Variants in MTMR7 observed in about 807,000 individuals in gnomAD.
The protein encoded by MTMR7 is phosphatidylinositol-3-phosphate phosphatase MTMR7.
MTMR7 carries 76 observed loss-of-function variants against 81.2 expected under a neutral mutation model. The ratio of observed to expected loss-of-function variants is 0.94; its 90% CI spans 0.78 to 1.13. The LOEUF (loss-of-function observed/expected upper bound fraction) is 1.13. Among genes scored for constraint, MTMR7 ranks in the 50% most tolerant of loss-of-function variants. MTMR7 has a pLI of 0.00. For synonymous variants in MTMR7, 372 were observed against 289.8 expected (o/e 1.28, Z -2.88); for missense variants, 1,044 against 820.0 (o/e 1.27, Z -3.34).
chr8:17,302,468 C>A (rs1205337893), intron 12 of MTMR7, 188 bp from the exon 13 acceptor site: 1 of 535,390 alleles, frequency 1.9e-6, no homozygotes. Flanking sequence ...TCAGTAAATG[C>A]CTTTTGGGGA....
At chr8:17,300,372 C>T in intron 13 of MTMR7, 148 bp from the exon 14 acceptor site, 1 of 857,078 alleles carries the variant, frequency 1.2e-6, no homozygotes, top group Non-Finnish European at 1.7e-6. Context: ...ACCTGGACTT[C>T]ACGACCTTGG....
chr8:17,413,199 C>T (rs1821784530), intron 1 of MTMR7, 70 bp downstream of exon 1: 5 of 1,514,510 alleles, frequency 3.3e-6, no homozygotes, highest in Non-Finnish European at 4.5e-6. Context: ...GCCTCCCGCG[C>T]GCTCAGCATC....
chr8:17,300,287 C>T (rs1287107309), intron 13 of MTMR7, 63 bp from the exon 14 acceptor site: 3 of 1,493,466 alleles, frequency 2.0e-6, no homozygotes, highest in Non-Finnish European at 2.7e-6. Flanking sequence ...TCTATATATG[C>T]ATGTCTTTAG....
intron 1 of MTMR7, among the ~76,000 whole-genome samples, chr8:17,399,016 T>C (rs752563078): frequency 2.0e-5 from 3 of 152,202 alleles, no homozygotes; most frequent in Non-Finnish European, 2.9e-5. Context: ...GACTCACAGC[T>C]AGTATCATAC....
intron 3 of MTMR7, among the ~76,000 whole-genome samples, chr8:17,367,244 T>G (rs947534929): frequency 6.6e-6 from 1 of 151,922 alleles, no homozygotes; most frequent in African/African-American, 2.4e-5. Context: ...AAAAAGAAAC[T>G]AGTTTAGGAA....
At chr8:17,411,430 T>C (rs1297393844) in intron 1 of MTMR7, among the ~76,000 whole-genome samples, 1 of 152,178 alleles carries the variant, frequency 6.6e-6, no homozygotes, top group East Asian at 1.9e-4. Context: ...CTGCCTCCCC[T>C]TAGAGATTGT....
intron 3 of MTMR7, among the ~76,000 whole-genome samples, chr8:17,363,991 T>C (rs1267277537): frequency 3.4e-5 from 5 of 149,014 alleles, no homozygotes; most frequent in African/African-American, 9.9e-5. Context: ...TACAGTTTCA[T>C]ATATTTCTGG....
chr8:17,400,246 A>G (rs1821387636), intron 1 of MTMR7, among the ~76,000 whole-genome samples: 1 of 152,250 alleles, frequency 6.6e-6, no homozygotes, highest in African/African-American at 2.4e-5. Context: ...GCTAGGCACC[A>G]TTCTAGATTC....
intron 3 of MTMR7, 61 bp downstream of exon 3, chr8:17,370,976 A>C: frequency 6.5e-7 from 1 of 1,543,924 alleles, no homozygotes; most frequent in Middle Eastern, 1.7e-4. Context: ...CAAATTCTTG[A>C]ATCTGATTTG....
At chr8:17,307,012 T>C (rs13274064) in intron 10 of MTMR7, among the ~76,000 whole-genome samples, 17,256 of 152,050 alleles carry the variant, frequency 0.11, 1,337 homozygotes, top group Non-Finnish European at 0.17. Context: ...CCAAAAGCAA[T>C]GGCAGCAAAA....
chr8:17,349,263 ATG>A, intron 4 of MTMR7, 182 bp from the exon 5 acceptor site: 1 of 607,878 alleles, frequency 1.6e-6, no homozygotes, highest in South Asian at 2.3e-5. Flanking sequence ...CGCTGATTCT[ATG>A]TAATCATTCT....
chr8:17,407,054 C>G (rs958391884), intron 1 of MTMR7, among the ~76,000 whole-genome samples: 8 of 152,008 alleles, frequency 5.3e-5, no homozygotes, highest in African/African-American at 1.9e-4. Flanking sequence ...TGGTACAACT[C>G]TGTGAATATA....
chr8:17,397,511 G>C (rs933615804), intron 1 of MTMR7, among the ~76,000 whole-genome samples: 7 of 152,194 alleles, frequency 4.6e-5, no homozygotes, highest in African/African-American at 1.4e-4. Context: ...GGAAGAGCAG[G>C]ACAGACTTTG....
At chr8:17,405,465 T>C (rs575740814) in intron 1 of MTMR7, among the ~76,000 whole-genome samples, 9 of 152,270 alleles carry the variant, frequency 5.9e-5, no homozygotes, top group African/African-American at 9.6e-5. Context: ...GAGTCCTAGA[T>C]GAGGAACTTT....
chr8:17,350,309 G>C (rs1308781624), intron 4 of MTMR7, among the ~76,000 whole-genome samples: 4 of 152,198 alleles, frequency 2.6e-5, no homozygotes, highest in Admixed American at 1.3e-4. Context: ...AATTTATAAA[G>C]GAAAAGGTTT....
At chr8:17,398,972 A>G (rs1421689924) in intron 1 of MTMR7, among the ~76,000 whole-genome samples, 1 of 152,160 alleles carries the variant, frequency 6.6e-6, no homozygotes, top group Non-Finnish European at 1.5e-5. Context: ...GATAGAAGGA[A>G]CATACCTCAA....
At chr8:17,388,074 A>AT (rs1211230856) in intron 1 of MTMR7, among the ~76,000 whole-genome samples, 1 of 152,206 alleles carries the variant, frequency 6.6e-6, no homozygotes, top group Non-Finnish European at 1.5e-5. Context: ...AAAAGTGCCC[A>AT]TTTTTGCTCA....
Position 17,349,708 on chromosome 8 carries a change from C to T in MTMR7, c.469-627G>A, listed in dbSNP as rs77781281. Among the ~76,000 whole-genome samples, 471 of 152,260 alleles carry T rather than the reference C, an allele frequency of 3.1e-3. 3 individuals are homozygous for T. The highest frequency in any genetic ancestry group is 0.01 in the African/African-American group (421 of 41,560). The stretch of plus-strand genomic sequence containing the variant: ...GATTTCCTAATGTGCCACAGATTAC[C>T]GCGCAATGTAACAGCTTGATTTTTG... On this transcript the variant is annotated intron_variant, in intron 4 of 13. Transcript: ENST00000180173.
rs573216149 is a variant in MTMR7, at chr8:17,377,907, G to A, written c.25-4667C>T. Among the ~76,000 whole-genome samples the A allele has an allele frequency of 1.2e-4, 18 of 152,212 alleles. 1 individual carries two copies. The highest frequency in any genetic ancestry group is 1.5e-5 in the Non-Finnish European group (1 of 67,974). On this transcript the variant is annotated intron_variant, in intron 1 of 13. Transcript: ENST00000180173. ...AAGATATTATGAAAGTATGGGAGGA[G>A]AAAAATAAGGGGATAGAAACTTTAT...
Sources: gnomAD v4.1 joint callset for allele counts (sites outside exome capture counted in the v4.1 genomes callset) on GRCh38, gnomAD v4.1.1 for gene constraint, MANE v1.5 for transcripts, NCBI Gene and HGNC (gene_info 2026-07-23, HGNC 2026-07-21) for gene names.